NAV3: variants seen among roughly 807,000 people sequenced by gnomAD.
NAV3 encodes the protein pore membrane and/or filament interacting like protein 1.
A neutral mutation model predicts 244.7 loss-of-function variants in NAV3; 87 were observed. That is an observed-to-expected ratio of 0.36 (90% CI 0.30 to 0.42). The LOEUF (loss-of-function observed/expected upper bound fraction) is 0.42, where lower values mean the gene tolerates loss of function less well. NAV3 is among the 20% of genes least tolerant of loss of function. NAV3 has a pLI of 1.00. For synonymous variants in NAV3, 1,126 were observed against 1,042.2 expected (o/e 1.08, Z -1.55); for missense variants, 2,663 against 2,893.3 (o/e 0.92, Z 1.83).
At chr12:77,641,789 G>T (rs1009972965) in intron 2 of NAV3, among the ~76,000 whole-genome samples, 2 of 152,236 alleles carry the variant, frequency 1.3e-5, no homozygotes, top group African/African-American at 4.8e-5. Flanking sequence ...GGAACCCACA[G>T]CTGTTTGTTG....
At chr12:77,627,818 A>T (rs1195808005) in intron 2 of NAV3, among the ~76,000 whole-genome samples, 1 of 152,202 alleles carries the variant, frequency 6.6e-6, no homozygotes, top group Non-Finnish European at 1.5e-5. Context: ...AAAATGTGGT[A>T]TATATATACA....
intron 2 of NAV3, among the ~76,000 whole-genome samples, chr12:77,606,418 T>G (rs191785695): frequency 2.0e-5 from 3 of 152,170 alleles, no homozygotes; most frequent in Non-Finnish European, 4.4e-5. Context: ...CACTATTTCA[T>G]CATGTCTCAT....
rs148922888 is a variant in NAV3, at chr12:78,131,344, T to C, written c.4441+2478T>C. 3.5e-3 allele frequency among the ~76,000 whole-genome samples: 532 copies of C among 152,338 alleles called. 2 individuals are homozygous for C. The highest frequency in any genetic ancestry group is 0.011 in the South Asian group (53 of 4,830). On this transcript the variant is annotated intron_variant, in intron 18 of 39. Coordinates refer to ENST00000397909, the MANE Select transcript of NAV3 (RefSeq NM_001024383.2). ...TTTTGTTTCCTAACCTATATAGTGA[T>C]AAGAGAATTTACCTATAATGCCAAA...
At chr12:78,127,498 C>CA (rs1313576504) in intron 17 of NAV3, among the ~76,000 whole-genome samples, 1 of 151,910 alleles carries the variant, frequency 6.6e-6, no homozygotes, top group Non-Finnish European at 1.5e-5. Context: ...AACAAACAAA[C>CA]AAAAAACTTG....
intron 2 of NAV3, among the ~76,000 whole-genome samples, chr12:77,806,781 C>G (rs1872001472): frequency 6.6e-6 from 1 of 152,082 alleles, no homozygotes; most frequent in African/African-American, 2.4e-5. Flanking sequence ...AATTCTCCCA[C>G]TATTATTGTG....
In NAV3 at chr12:77,583,455, T is replaced by G. The variant is rs1406666911; in HGVS notation, c.72+11189T>G. Among the ~76,000 whole-genome samples the G allele has an allele frequency of 3.3e-5, 5 of 152,348 alleles. No homozygotes were observed. In the East Asian group the frequency reaches 9.6e-4, roughly 29 times the overall value. On this transcript the variant is annotated intron_variant, in intron 2 of 8. Transcript: ENST00000550042. Reference sequence around the variant, plus strand: ...TGGAAAATGATCTGGGGTTATACTTTTAAAACAATGTGAACTTTGTAATTA... The same window carrying G: ...TGGAAAATGATCTGGGGTTATACTTGTAAAACAATGTGAACTTTGTAATTA...
At chr12:78,106,696 T>A (rs141978244) in intron 12 of NAV3, among the ~76,000 whole-genome samples, 1 of 152,020 alleles carries the variant, frequency 6.6e-6, no homozygotes, top group Non-Finnish European at 1.5e-5. Context: ...CCAGAGAAAC[T>A]CCTCACACCT....
At position 77,705,685 on chromosome 12, in the gene NAV3, G is replaced by A. The variant is rs1185323305; in HGVS notation, c.72+133419G>A. Among the ~76,000 whole-genome samples the A allele has an allele frequency of 2.0e-5, 3 of 151,244 alleles. 1 individual carries two copies. Among genetic ancestry groups the A allele is most frequent in the African/African-American group, 7.4e-5 (3 of 40,738 alleles). On this transcript the variant is annotated intron_variant, in intron 2 of 8. Coordinates refer to the NAV3 transcript ENST00000550042. ...CGCCTGGATTGTTTGTTCCCCCGGG[G>A]GTCAAAGATGAATTCAGCCCCTCCA...
At chr12:77,645,182 A>G (rs1245785743) in intron 2 of NAV3, among the ~76,000 whole-genome samples, 1 of 152,136 alleles carries the variant, frequency 6.6e-6, no homozygotes, top group African/African-American at 2.4e-5. Flanking sequence ...TAAAACAGCA[A>G]AATAAAAGCT....
In NAV3 at chr12:77,831,594, A is replaced by G. The variant is rs10735309; in HGVS notation, c.133A>G (p.Thr45Ala). 1 allele frequency: 1,607,172 copies of G among 1,614,094 alleles called. 800,407 individuals are homozygous for G. The highest frequency in any genetic ancestry group is 1 in the East Asian group (44,862 of 44,862). ...QHCSSRPLEL[T>A]ETESSMLSCQ... ...CTGTTCTTCAAGACCTTTGGAACTT[A>G]CTGAAACAGAGAGCTCCATGCTTTC... is the stretch of plus-strand genomic sequence containing the variant. Residue 45 changes from threonine to alanine, a missense_variant, in exon 1 of 40, where the codon ACT becomes GCT. By Grantham distance (58) the Thr-to-Ala change is moderately conservative. Coordinates refer to ENST00000397909, the MANE Select transcript of NAV3 (RefSeq NM_001024383.2).
At chr12:77,663,507 T>TTTC (rs1057366522) in intron 2 of NAV3, among the ~76,000 whole-genome samples, 3 of 149,008 alleles carry the variant, frequency 2.0e-5, no homozygotes, top group Non-Finnish European at 4.4e-5. Flanking sequence ...GCAGTATTTC[T>TTTC]TTCTTCTTCT....
intron 8 of NAV3, among the ~76,000 whole-genome samples, chr12:78,013,901 GT>G (rs1688193232): frequency 6.6e-6 from 1 of 151,674 alleles, no homozygotes; most frequent in African/African-American, 2.4e-5. Context: ...TTTTTTTATT[GT>G]TCCTCTTCTT....
chr12:78,062,909 AT>A (rs959125543), intron 12 of NAV3, among the ~76,000 whole-genome samples: 7 of 151,408 alleles, frequency 4.6e-5, no homozygotes, highest in East Asian at 1.9e-4. Context: ...AATCCACAGC[AT>A]TTTTTTTTCT....
intron 5 of NAV3, among the ~76,000 whole-genome samples, chr12:77,990,108 GT>G (rs1418299290): frequency 5.6e-5 from 4 of 71,122 alleles, no homozygotes; most frequent in Non-Finnish European, 1.0e-4. Context: ...AACACCAGGG[GT>G]TTAGTCTAGG....
intron 9 of NAV3, among the ~76,000 whole-genome samples, chr12:78,045,939 C>T (rs1295391707): frequency 1.3e-5 from 2 of 152,138 alleles, no homozygotes; most frequent in Admixed American, 6.5e-5. Context: ...AGGGATTCGA[C>T]TTCTTCCTGG....
chr12:77,962,238 A>T (rs1892089751), intron 3 of NAV3, among the ~76,000 whole-genome samples: 1 of 152,038 alleles, frequency 6.6e-6, no homozygotes, highest in African/African-American at 2.4e-5. Context: ...ACTTTTGTTG[A>T]TAATCCACCC....
intron 2 of NAV3, among the ~76,000 whole-genome samples, chr12:77,805,945 T>C (rs1871956539): frequency 6.6e-6 from 1 of 152,228 alleles, no homozygotes; most frequent in South Asian, 2.1e-4. Flanking sequence ...TTTTCTAGTT[T>C]ATTTGTGTAG....
intron 2 of NAV3, among the ~76,000 whole-genome samples, chr12:77,576,381 G>C (rs1869084629): frequency 6.6e-6 from 1 of 152,052 alleles, no homozygotes; most frequent in Admixed American, 6.6e-5. Context: ...ACATGGACCT[G>C]TTTTATTCTT....
intron 5 of NAV3, among the ~76,000 whole-genome samples, chr12:77,989,611 G>GTATT (rs1373807823): frequency 1.3e-5 from 2 of 152,156 alleles, no homozygotes; most frequent in African/African-American, 2.4e-5. Context: ...CTGGTACAAT[G>GTATT]TATTCTGTTA....
Sources: gnomAD v4.1 joint callset for allele counts (sites outside exome capture counted in the v4.1 genomes callset) on GRCh38, gnomAD v4.1.1 for gene constraint, MANE v1.5 for transcripts, NCBI Gene and HGNC (gene_info 2026-07-23, HGNC 2026-07-21) for gene names.